The following ASXL1 variants were observed in gnomAD, a reference collection of about 807,000 sequenced individuals.
ASXL1 encodes ASXL transcriptional regulator 1, also known as polycomb group protein ASXL1.
ASXL1 carries 65 observed loss-of-function variants against 89.1 expected under a neutral mutation model. The observed-to-expected ratio is 0.73, with a 90% CI of 0.60 to 0.90. The LOEUF (loss-of-function observed/expected upper bound fraction) is 0.90. Among genes scored for constraint, ASXL1 ranks in the 40% least tolerant of loss-of-function variants. The probability of loss-of-function intolerance (pLI) is 0.00; values close to 1 mark genes in which losing one functional copy is unlikely to be tolerated. For synonymous variants in ASXL1, 739 were observed against 746.9 expected (o/e 0.99, Z 0.17); for missense variants, 1,786 against 1,942.9 (o/e 0.92, Z 1.52).
intron 4 of ASXL1, among the ~76,000 whole-genome samples, chr20:32,417,814 G>A (rs1455516766): frequency 6.6e-6 from 1 of 152,048 alleles, no homozygotes; most frequent in Admixed American, 6.6e-5. Flanking sequence ...AGGCTGAGGA[G>A]GGTGGATTGC....
chr20:32,389,053 G>A (rs937423076), intron 4 of ASXL1, among the ~76,000 whole-genome samples: 2 of 151,596 alleles, frequency 1.3e-5, no homozygotes, highest in African/African-American at 4.9e-5. Flanking sequence ...CCCTTTTGGA[G>A]CCTCTGAGCA....
At chr20:32,415,537 G>A (rs906619718) in intron 4 of ASXL1, among the ~76,000 whole-genome samples, 1 of 152,166 alleles carries the variant, frequency 6.6e-6, no homozygotes, top group African/African-American at 2.4e-5. Flanking sequence ...GTTTGAAACA[G>A]TTCTCCTGTT....
At position 32,429,488 on chromosome 20, in the gene ASXL1, C is replaced by T. The variant is rs184569437; in HGVS notation, c.565+57C>T. The T allele has an allele frequency of 3.4e-3, 5,308 of 1,545,600 alleles. 9 individuals carry two copies. Among genetic ancestry groups the T allele is most frequent in the Non-Finnish European group, 4.6e-3 (5,100 of 1,118,404 alleles). ...TCCTCAGGTCCTGGGGACCTGGCCT[C>T]CCTCTGTCAGCAGTTTCTGACCTAA... On this transcript the variant is annotated intron_variant, in intron 7 of 12. Transcript: ENST00000375687. The surrounding 1 kb of genome is among the most constrained non-coding windows in gnomAD (Gnocchi z 4.9).
In ASXL1 at chr20:32,399,062, TAGTC is replaced by T. The variant is rs1205723559; in HGVS notation, c.253-29063_253-29060del. Among the ~76,000 whole-genome samples, 32 of 151,930 alleles carry T rather than the reference TAGTC, an allele frequency of 2.1e-4. No individual in the cohort carries two copies. In the East Asian group the frequency reaches 4.3e-3, roughly 20 times the overall value. On this transcript the variant is annotated intron_variant, in intron 4 of 12. Coordinates refer to ENST00000375687, the MANE Select transcript of ASXL1 (RefSeq NM_015338.6). ...CCATCTTTACTAAAAATACAAAAAT[TAGTC>T]AGGCATGGTGGCGGGTACCTTGTAA...
intron 3 of ASXL1, among the ~76,000 whole-genome samples, chr20:32,368,574 C>A (rs1206602321): frequency 6.6e-6 from 1 of 152,050 alleles, no homozygotes; most frequent in Non-Finnish European, 1.5e-5. Context: ...GGCACAGCAC[C>A]ATTGATTCTG....
intron 4 of ASXL1, among the ~76,000 whole-genome samples, chr20:32,408,635 C>T (rs1328050578): frequency 6.6e-6 from 1 of 152,164 alleles, no homozygotes; most frequent in Admixed American, 6.5e-5. Flanking sequence ...TTACTGCATC[C>T]TAAAACTTCC....
chr20:32,369,283 G>A (rs2122835600), intron 4 of ASXL1, among the ~76,000 whole-genome samples, 160 bp downstream of exon 4: 1 of 152,212 alleles, frequency 6.6e-6, no homozygotes, highest in Middle Eastern at 3.4e-3. Flanking sequence ...GTCTCGCTGT[G>A]TCACCCAGGC....
chr20:32,369,861 T>C (rs952789325), intron 4 of ASXL1, among the ~76,000 whole-genome samples: 2 of 151,014 alleles, frequency 1.3e-5, no homozygotes, highest in Admixed American at 6.6e-5. Flanking sequence ...CCTGAGTAGC[T>C]AAGAGTGCAC....
chr20:32,380,774 A>G (rs1183290149), intron 4 of ASXL1, among the ~76,000 whole-genome samples: 1 of 152,176 alleles, frequency 6.6e-6, no homozygotes, highest in Non-Finnish European at 1.5e-5. Context: ...AAAAACCCAA[A>G]TGATTTACTT....
intron 4 of ASXL1, among the ~76,000 whole-genome samples, chr20:32,412,594 ATTTTTTT>A (rs377498376): frequency 6.1e-4 from 84 of 137,572 alleles, no homozygotes; most frequent in African/African-American, 2.1e-3. Context: ...AAAGAAATAA[ATTTTTTT>A]TTTTTTTTTT....
intron 1 of ASXL1, chr20:32,359,658 A>G: frequency 1.4e-6 from 1 of 717,248 alleles, no homozygotes; most frequent in East Asian, 2.7e-5. Context: ...TTGGACAAAG[A>G]CAAAGTATCT....
Position 32,434,520 on chromosome 20 carries a change from C to A in ASXL1, c.1808C>A (p.Ser603Tyr). ...ICPRIIPTTE[S>Y]SCRGWTGART... ...CCCCGGATCATCCCCACCACGGAGT[C>A]CTCCTGCCGGGGTTGGACTGGCGCC... The change falls in exon 13 of 13, where the codon TCC becomes TAC. Residue 603 changes from serine (S) to tyrosine (Y), a missense_variant. Physicochemically the swap from Ser to Tyr is moderately radical, Grantham distance 144 (BLOSUM62 -2). Transcript: ENST00000375687. 1 of 1,614,044 alleles carries A rather than the reference C, an allele frequency of 6.2e-7. No individual in the cohort carries two copies. The highest frequency in any genetic ancestry group is 8.5e-7 in the Non-Finnish European group (1 of 1,180,044).
chr20:32,429,758 TTTCTCTCAGCCTAAG>T lies in ASXL1; in HGVS notation c.566-142_566-128del. ...TTAAAGCCAGACCATGAAGTGGTGG[TTTCTCTCAGCCTAAG>T]GCTGGGAGATGGAAGCATCCCAGTA... is the stretch of plus-strand genomic sequence containing the variant. On this transcript the variant is annotated intron_variant, in intron 7 of 12. Coordinates refer to ENST00000375687, the MANE Select transcript of ASXL1 (RefSeq NM_015338.6). This position sits in a 1 kb window ranked among gnomAD's most constrained non-coding sequence, Gnocchi z 4.9. The T allele has an allele frequency of 2.5e-6, 3 of 1,191,122 alleles. No homozygotes were observed. The highest frequency in any genetic ancestry group is 3.5e-6 in the Non-Finnish European group (3 of 852,134). 73.8% of individuals were successfully genotyped at this position (1,191,122 alleles called of 1,614,324 possible). A position where few individuals can be genotyped will look rare whatever the true frequency, so the allele number is the denominator to read the frequency against.
chr20:32,400,624 A>G (rs867499623), intron 4 of ASXL1, among the ~76,000 whole-genome samples: 7 of 152,102 alleles, frequency 4.6e-5, no homozygotes, highest in African/African-American at 1.4e-4. Context: ...TCATCACACT[A>G]TGGGCCACTC....
rs2145365839 is a variant in ASXL1 at position 32,434,989 on chromosome 20, C to T, written c.2277C>T (p.Cys759=). Residue 759 remains cysteine, a synonymous_variant, in exon 13 of 13, where the codon TGC becomes TGT. Transcript: ENST00000375687. ...TTGCTCCCACTGGGGACCAGCCATG[C>T]CAGGCCTTGCCCCTACTGTCCTCCC... ...LPVAPTGDQP[C]QALPLLSSQT... 6.2e-7 allele frequency: 1 copy of T among 1,614,176 alleles called. No individual in the cohort carries two copies. The highest frequency in any genetic ancestry group is 8.5e-7 in the Non-Finnish European group (1 of 1,180,032).
chr20:32,378,972 A>T (rs893078576), intron 4 of ASXL1, among the ~76,000 whole-genome samples: 2 of 147,670 alleles, frequency 1.4e-5, no homozygotes, highest in Non-Finnish European at 3.0e-5. Context: ...TATTAAAAAT[A>T]AAAAAAAAAC....
chr20:32,375,461 GA>G lies in ASXL1; in HGVS notation c.252+6345del, dbSNP rs929649349. Among the ~76,000 whole-genome samples, 4 of 144,184 alleles carry G rather than the reference GA, an allele frequency of 2.8e-5. No homozygotes were observed. In the South Asian group the frequency reaches 6.8e-4, roughly 25 times the overall value. The allele number at this position is 144,184 out of a possible 152,430, so 94.6% of individuals were successfully genotyped here. A position where few individuals can be genotyped will look rare whatever the true frequency, so the allele number is the denominator to read the frequency against. ...AAGACTTGGTCTCAAAAAAAAAAAA[GA>G]AAAAAAGAACAAAGACATTTTCCTA... On this transcript the variant is annotated intron_variant, in intron 4 of 12. Coordinates refer to ENST00000375687, the MANE Select transcript of ASXL1 (RefSeq NM_015338.6).
At chr20:32,408,614 G>A (rs930396012) in intron 4 of ASXL1, among the ~76,000 whole-genome samples, 4 of 152,034 alleles carry the variant, frequency 2.6e-5, no homozygotes, top group South Asian at 4.1e-4. Flanking sequence ...GTGCAGTGAC[G>A]CAGTCCTAGC....
At chr20:32,398,083 T>C (rs1056289896) in intron 4 of ASXL1, among the ~76,000 whole-genome samples, 5 of 152,258 alleles carry the variant, frequency 3.3e-5, no homozygotes, top group Non-Finnish European at 7.3e-5. Context: ...TATTGTTATG[T>C]ATCCTTTTGG....
Sources: allele counts gnomAD v4.1 joint callset (sites outside exome capture counted in the v4.1 genomes callset), GRCh38; gene constraint gnomAD v4.1.1; non-coding constraint Gnocchi (gnomAD v3.1); transcripts MANE v1.5; gene names NCBI Gene and HGNC (gene_info 2026-07-23, HGNC 2026-07-21).